Variants in MSI2 observed in about 807,000 individuals in gnomAD.
MSI2 encodes musashi RNA binding protein 2.
MSI2 carries 17 observed loss-of-function variants against 45.6 expected under a neutral mutation model. The observed-to-expected ratio is 0.37, with a 90% CI of 0.26 to 0.56. The LOEUF (loss-of-function observed/expected upper bound fraction) is 0.56, where lower values mean the gene tolerates loss of function less well. MSI2 is among the 20% of genes least tolerant of loss of function. The probability of loss-of-function intolerance (pLI) is 0.77; values close to 1 mark genes in which losing one functional copy is unlikely to be tolerated. For missense variants in MSI2, 293 were observed against 444.2 expected, an observed-to-expected ratio of 0.66 and a Z score of 3.06; for synonymous variants, 156 against 158.2, an observed-to-expected ratio of 0.99 and a Z score of 0.11.
Position 57,543,997 on chromosome 17 carries a change from A to G in MSI2, c.454+14273A>G, listed in dbSNP as rs373256880. Among the ~76,000 whole-genome samples, 14 of 152,360 alleles carry G rather than the reference A, an allele frequency of 9.2e-5. No individual in the cohort carries two copies. The East Asian group carries it at 2.3e-3, about 25-fold the overall frequency. ...GTGAGCATATATAAAAAGTTAGAAT[A>G]AACAGCATCTTAATGACTATTTTCA... is the stretch of plus-strand genomic sequence containing the variant. On this transcript the variant is annotated intron_variant, in intron 7 of 13. Coordinates refer to ENST00000284073, the MANE Select transcript of MSI2 (RefSeq NM_138962.4).
intron 7 of MSI2, among the ~76,000 whole-genome samples, chr17:57,543,063 T>C (rs774603595): frequency 5.9e-5 from 9 of 151,318 alleles, no homozygotes; most frequent in Non-Finnish European, 1.3e-4. Flanking sequence ...GCCTGAAAAC[T>C]GAGAATGGTT....
the MSI2 span, among the ~76,000 whole-genome samples, chr17:57,697,997 C>T: frequency 5.9e-5 from 9 of 152,256 alleles, no homozygotes; most frequent in East Asian, 1.5e-3. Flanking sequence ...CCCACACTCA[C>T]GGCTGTCACA....
At chr17:57,366,650 G>A (rs1598175614) in intron 5 of MSI2, among the ~76,000 whole-genome samples, 1 of 152,248 alleles carries the variant, frequency 6.6e-6, no homozygotes, top group Non-Finnish European at 1.5e-5. Flanking sequence ...AAGCAAAGGG[G>A]AGGAGCGAAG....
intron 10 of MSI2, among the ~76,000 whole-genome samples, chr17:57,639,069 T>C (rs937213849): frequency 1.2e-4 from 19 of 152,082 alleles, no homozygotes; most frequent in African/African-American, 4.1e-4. Flanking sequence ...CTCTCTGGGG[T>C]CTCTTTTATA....
At chr17:57,507,225 CTGTG>C (rs71140002) in intron 6 of MSI2, among the ~76,000 whole-genome samples, 2,000 of 50,806 alleles carry the variant, frequency 0.039, 88 homozygotes, top group African/African-American at 0.06. Context: ...CTTTGTCTCT[CTGTG>C]TGTGTGTGTG....
intron 5 of MSI2, chr17:57,266,548 A>T (rs1227392973): frequency 6.6e-6 from 1 of 152,124 alleles, no homozygotes; most frequent in East Asian, 1.9e-4. Context: ...TTTTGTAGAA[A>T]TGGGGTTTCA....
intron 5 of MSI2, among the ~76,000 whole-genome samples, chr17:57,383,592 C>T (rs546877184): frequency 2.6e-5 from 4 of 152,174 alleles, no homozygotes; most frequent in South Asian, 2.1e-4. Context: ...ACCCAGGAGG[C>T]GGAGGTTGCA....
At chr17:57,335,417 T>C (rs1304301510) in intron 5 of MSI2, among the ~76,000 whole-genome samples, 1 of 152,236 alleles carries the variant, frequency 6.6e-6, no homozygotes, top group African/African-American at 2.4e-5. Context: ...AATAAAGTTT[T>C]ATTGGAACCC....
At chr17:57,263,083 G>C (rs1907467094) in intron 5 of MSI2, among the ~76,000 whole-genome samples, 1 of 152,180 alleles carries the variant, frequency 6.6e-6, no homozygotes, top group African/African-American at 2.4e-5. Flanking sequence ...AAAAGGTTGT[G>C]GCTTTAGCAA....
intron 5 of MSI2, among the ~76,000 whole-genome samples, chr17:57,340,219 A>C (rs1480177769): frequency 1.3e-5 from 2 of 152,208 alleles, no homozygotes; most frequent in Non-Finnish European, 2.9e-5. Flanking sequence ...CCATGGAGCT[A>C]GTAAGTGATG....
At chr17:57,303,180 G>C (rs925756374) in intron 5 of MSI2, among the ~76,000 whole-genome samples, 2 of 152,206 alleles carry the variant, frequency 1.3e-5, no homozygotes, top group African/African-American at 4.8e-5. Context: ...GGCGGGGGCG[G>C]TCTGTTTTAC....
intron 5 of MSI2, among the ~76,000 whole-genome samples, chr17:57,291,630 T>C (rs1174913440): frequency 1.3e-5 from 2 of 152,336 alleles, no homozygotes; most frequent in African/African-American, 4.8e-5. Flanking sequence ...GGATCGACTC[T>C]GCTGCTTTTT....
intron 6 of MSI2, among the ~76,000 whole-genome samples, chr17:57,416,219 G>A (rs2084291641): frequency 6.6e-6 from 1 of 152,198 alleles, no homozygotes; most frequent in East Asian, 1.9e-4. Context: ...GCAGAGGAAA[G>A]CAGATATTTG....
At chr17:57,388,710 G>A (rs1333432607) in intron 5 of MSI2, among the ~76,000 whole-genome samples, 4 of 152,114 alleles carry the variant, frequency 2.6e-5, no homozygotes, top group African/African-American at 9.7e-5. Context: ...CTGGAGTGCA[G>A]TGGTGCCAAC....
chr17:57,632,305 C>T (rs1373645484), intron 10 of MSI2: 14 of 1,070,896 alleles, frequency 1.3e-5, no homozygotes, highest in Non-Finnish European at 1.6e-5. Flanking sequence ...TAAAGGTGAA[C>T]ACACAGAGAC....
chr17:57,457,622 C>T (rs752632121), intron 6 of MSI2, among the ~76,000 whole-genome samples: 2 of 152,084 alleles, frequency 1.3e-5, no homozygotes, highest in African/African-American at 2.4e-5. Context: ...AGGCCAGGCA[C>T]GATAATTCAT....
intron 5 of MSI2, among the ~76,000 whole-genome samples, chr17:57,369,946 C>A (rs1469698707): frequency 6.6e-6 from 1 of 152,192 alleles, no homozygotes; most frequent in African/African-American, 2.4e-5. Flanking sequence ...CTCTTCATTT[C>A]TTAACAAGAA....
At chr17:57,390,204 A>G (rs1025213994) in intron 5 of MSI2, among the ~76,000 whole-genome samples, 1 of 152,240 alleles carries the variant, frequency 6.6e-6, no homozygotes, top group Non-Finnish European at 1.5e-5. Flanking sequence ...GCAGTGAGCT[A>G]TAGTCATGCC....
intron 5 of MSI2, chr17:57,274,189 ACC>A (rs1908656763): frequency 6.6e-6 from 1 of 152,056 alleles, no homozygotes; most frequent in African/African-American, 2.4e-5. Flanking sequence ...GATCCTACTC[ACC>A]CCCCATCACC....
Sources: allele counts gnomAD v4.1 joint callset (sites outside exome capture counted in the v4.1 genomes callset), GRCh38; gene constraint gnomAD v4.1.1; transcripts MANE v1.5; gene names NCBI Gene and HGNC (gene_info 2026-07-23, HGNC 2026-07-21).